Variants in KANSL1 observed in about 807,000 individuals in gnomAD.
KANSL1 encodes KAT8 regulatory NSL complex subunit 1.
In KANSL1, 22 loss-of-function variants were observed where a neutral mutation model predicts 103.6. The observed-to-expected ratio is 0.21, with a 90% CI of 0.15 to 0.30. The LOEUF is 0.30. Ranked by LOEUF, KANSL1 falls within the 10% of genes least tolerant of loss-of-function variation. The pLI is 1.00. For missense variants in KANSL1, 1,337 were observed against 1,399.8 expected, an observed-to-expected ratio of 0.96 and a Z score of 0.72; for synonymous variants, 600 against 527.6, an observed-to-expected ratio of 1.14 and a Z score of -1.88.
chr17:46,059,303 G>T (rs2078061436), intron 6 of KANSL1, among the ~76,000 whole-genome samples: 1 of 151,994 alleles, frequency 6.6e-6, no homozygotes, highest in Non-Finnish European at 1.5e-5. Flanking sequence ...GAGGAGACTA[G>T]AATTAGATCT....
chr17:46,126,718 C>CT (rs1156887053), intron 2 of KANSL1, among the ~76,000 whole-genome samples: 1 of 152,116 alleles, frequency 6.6e-6, no homozygotes, highest in Non-Finnish European at 1.5e-5. Flanking sequence ...TCTGGTTACT[C>CT]TTTATGTGTG....
At chr17:46,106,032 A>T (rs1379677077) in intron 2 of KANSL1, among the ~76,000 whole-genome samples, 1 of 152,178 alleles carries the variant, frequency 6.6e-6, no homozygotes, top group Non-Finnish European at 1.5e-5. Flanking sequence ...AGTCCCACAT[A>T]TTCCACAGGG....
chr17:46,049,867 C>T (rs1443185236), intron 7 of KANSL1: 1 of 152,282 alleles, frequency 6.6e-6, no homozygotes, highest in East Asian at 1.9e-4. Flanking sequence ...AAGATATTCT[C>T]CTAGAACACT....
At chr17:46,219,809 G>C (rs1349599778) in intron 1 of KANSL1, among the ~76,000 whole-genome samples, 2 of 152,332 alleles carry the variant, frequency 1.3e-5, no homozygotes, top group East Asian at 3.9e-4. Flanking sequence ...CACTGTTCAA[G>C]AACTATTCTC....
intron 2 of KANSL1, among the ~76,000 whole-genome samples, chr17:46,102,806 G>A (rs2147031224): frequency 6.6e-6 from 1 of 152,334 alleles, no homozygotes; most frequent in Non-Finnish European, 1.5e-5. Context: ...AACAAGAACT[G>A]TGGCTAAAGT....
intron 7 of KANSL1, chr17:46,040,359 T>G (rs1462021908): frequency 6.5e-6 from 1 of 153,914 alleles, no homozygotes; most frequent in East Asian, 1.9e-4. Flanking sequence ...CTCTCTTTCC[T>G]TCCTCTGTGG....
At chr17:46,060,973 T>C (rs1481583646) in intron 6 of KANSL1, among the ~76,000 whole-genome samples, 2 of 152,138 alleles carry the variant, frequency 1.3e-5, no homozygotes, top group African/African-American at 2.4e-5. Context: ...GCCAGTACAC[T>C]GCCAATTTGT....
rs35017603 is a variant in KANSL1 at position 46,130,187 on chromosome 17, C to CAAAAAAAAAAAAAAAAAAAAAAAAAAAAA, written c.1290-35487_1290-35486insTTTTTTTTTTTTTTTTTTTTTTTTTTTTT. The stretch of plus-strand genomic sequence containing the variant: ...GGGCAAAAGAATGAGATCCTGTCTC[C>CAAAAAAAAAAAAAAAAAAAAAAAAAAAAA]AAAAAAAAAAAAAAAAAAAAAGGAA... On this transcript the variant is annotated intron_variant, in intron 2 of 14. Coordinates refer to ENST00000432791, the MANE Select transcript of KANSL1 (RefSeq NM_015443.4). 3.2e-4 allele frequency among the ~76,000 whole-genome samples: 24 copies of CAAAAAAAAAAAAAAAAAAAAAAAAAAAAA among 75,450 alleles called. 1 individual carries two copies. The highest frequency in any genetic ancestry group is 6.0e-4 in the Non-Finnish European group (22 of 36,966). The allele number at this position is 75,450 out of a possible 152,430, so 49.5% of individuals were successfully genotyped here. A position where few individuals can be genotyped will look rare whatever the true frequency, so the allele number is the denominator to read the frequency against.
intron 2 of KANSL1, among the ~76,000 whole-genome samples, chr17:46,164,892 C>T (rs1351408654): frequency 6.6e-6 from 1 of 152,222 alleles, no homozygotes; most frequent in Non-Finnish European, 1.5e-5. Context: ...GCTGAGAAGA[C>T]TTGGGTATCC....
At chr17:46,032,362 A>G in intron 13 of KANSL1, 63 bp from the exon 14 acceptor site, 2 of 1,416,970 alleles carry the variant, frequency 1.4e-6, no homozygotes, top group Non-Finnish European at 9.4e-7. Flanking sequence ...GGTAGAGGGC[A>G]TGAAAAAAGC....
intron 2 of KANSL1, chr17:46,152,783 A>T (rs1328206915): frequency 1.3e-5 from 2 of 152,238 alleles, no homozygotes; most frequent in African/African-American, 4.8e-5. Context: ...TAGCCCTTTT[A>T]AAAAAGGGAT....
chr17:46,186,699 T>C (rs1478859494), intron 1 of KANSL1, among the ~76,000 whole-genome samples: 2 of 152,224 alleles, frequency 1.3e-5, no homozygotes, highest in Non-Finnish European at 2.9e-5. Flanking sequence ...AATGAAACTT[T>C]CCTGACAGTT....
chr17:46,061,244 T>TA (rs1387580483), intron 6 of KANSL1, among the ~76,000 whole-genome samples: 2 of 152,150 alleles, frequency 1.3e-5, no homozygotes, highest in Non-Finnish European at 1.5e-5. Flanking sequence ...TTTTCTTTTT[T>TA]AAAAAAATAC....
At chr17:46,077,114 T>C (rs1305489145) in intron 4 of KANSL1, among the ~76,000 whole-genome samples, 4 of 152,216 alleles carry the variant, frequency 2.6e-5, no homozygotes, top group Non-Finnish European at 5.9e-5. Flanking sequence ...TACAGTAGCA[T>C]GATCTCAGCT....
chr17:46,031,296 A>G lies in KANSL1; in HGVS notation c.*180T>C, dbSNP rs2076999270. On this transcript the variant is annotated 3_prime_UTR_variant, in exon 15 of 15. Coordinates refer to ENST00000432791, the MANE Select transcript of KANSL1 (RefSeq NM_015443.4). ...TCAGGTGTGTGACAAGAAAACATGG[A>G]AACAAAAACAAAACAAAAATTAAAA... is the stretch of plus-strand genomic sequence containing the variant. 2 of 673,212 alleles carry G rather than the reference A, an allele frequency of 3.0e-6. No homozygotes were observed. Among genetic ancestry groups the G allele is most frequent in the Admixed American group, 5.9e-5 (2 of 33,982 alleles). 41.7% of individuals were successfully genotyped at this position (673,212 alleles called of 1,614,324 possible).
chr17:46,099,218 G>A (rs1291269207), intron 2 of KANSL1, among the ~76,000 whole-genome samples: 1 of 144,354 alleles, frequency 6.9e-6, no homozygotes, highest in African/African-American at 2.5e-5. Context: ...CAGCTACTCG[G>A]GAGGCTGAGG....
intron 2 of KANSL1, among the ~76,000 whole-genome samples, chr17:46,099,090 G>A (rs1380119585): frequency 8.8e-6 from 1 of 113,144 alleles, no homozygotes. Context: ...TTGGGAGGCC[G>A]AGGCAGGCGG....
At chr17:46,141,197 A>G (rs2044403322) in intron 2 of KANSL1, among the ~76,000 whole-genome samples, 1 of 152,264 alleles carries the variant, frequency 6.6e-6, no homozygotes, top group Non-Finnish European at 1.5e-5. Flanking sequence ...CTTTGAACTG[A>G]AAATCCTTTT....
chr17:46,059,545 C>G (rs542702328), intron 6 of KANSL1, among the ~76,000 whole-genome samples: 43 of 150,234 alleles, frequency 2.9e-4, no homozygotes, highest in Non-Finnish European at 4.4e-4. Context: ...ATCATATGAA[C>G]CCGGGAGGCA....
Sources: gnomAD v4.1 joint callset for allele counts (sites outside exome capture counted in the v4.1 genomes callset) on GRCh38, gnomAD v4.1.1 for gene constraint, MANE v1.5 for transcripts, NCBI Gene and HGNC (gene_info 2026-07-23, HGNC 2026-07-21) for gene names.